Variants in THOC6 observed in about 807,000 individuals in gnomAD.
THOC6 encodes the protein THO complex subunit 6.
A neutral mutation model predicts 55.8 loss-of-function variants in THOC6; 39 were observed. That is an observed-to-expected ratio of 0.70 (90% CI 0.54 to 0.91). THOC6 has a LOEUF of 0.91. THOC6 is among the 40% of genes least tolerant of loss of function. The probability of loss-of-function intolerance (pLI) is 0.00; values close to 1 mark genes in which losing one functional copy is unlikely to be tolerated. For synonymous variants in THOC6, 192 were observed against 175.6 expected, an observed-to-expected ratio of 1.09 and a Z score of -0.74; for missense variants, 482 against 442.0, an observed-to-expected ratio of 1.09 and a Z score of -0.81.
In THOC6 at chr16:3,026,076, C is replaced by T. The variant is rs775321239; in HGVS notation, c.234C>T (p.Pro78=). The change falls in exon 4 of 13, where the codon CCC becomes CCT. Residue 78 remains proline (P), a synonymous_variant. Transcript: ENST00000326266. ...ATTTCTCTTTAGCCCATGATGGGCC[C>T]GTCTATAGCATGGTTTCCACCGATC... is the stretch of plus-strand genomic sequence containing the variant. ...PVVTFQAHDG[P]VYSMVSTDRH... 7 of 1,611,648 alleles carry T rather than the reference C, an allele frequency of 4.3e-6. No individual in the cohort carries two copies. The highest frequency in any genetic ancestry group is 2.2e-5 in the South Asian group (2 of 90,954).
rs1384845248 is a variant in THOC6, at chr16:3,026,082, T to TA, written c.241dup (p.Ser81LysfsTer11). On this transcript the variant is annotated frameshift_variant, in exon 4 of 13. Transcript: ENST00000326266. LOFTEE classifies it high-confidence loss of function. ...CTTTAGCCCATGATGGGCCCGTCTA[T>TA]AGCATGGTTTCCACCGATCGACATC... 3 of 1,611,290 alleles carry TA rather than the reference T, an allele frequency of 1.9e-6. No homozygotes were observed. Among genetic ancestry groups the TA allele is most frequent in the Non-Finnish European group, 2.5e-6 (3 of 1,177,836 alleles).
chr16:3,027,271 C>T lies in THOC6; in HGVS notation c.801C>T (p.Tyr267=). 1 of 1,614,222 alleles carries T rather than the reference C, an allele frequency of 6.2e-7. No individual in the cohort carries two copies. The highest frequency in any genetic ancestry group is 8.5e-7 in the Non-Finnish European group (1 of 1,180,046). ...IRAPQKHVTF[Y]QDLILSAGQG... is the part of the protein sequence containing the mutation. ...CGCCACAGAAGCACGTCACCTTCTA[C>T]CAGGACCTGGTGAGGCCCTGTGTCT... Residue 267 remains tyrosine, a synonymous_variant, in exon 11 of 13, where the codon TAC becomes TAT. Coordinates refer to ENST00000326266, the MANE Select transcript of THOC6 (RefSeq NM_024339.5).
Position 3,024,174 on chromosome 16 carries a change from C to A in THOC6, c.-153C>A. On this transcript the variant is annotated 5_prime_UTR_variant, in exon 1 of 13. Coordinates refer to ENST00000326266, the MANE Select transcript of THOC6 (RefSeq NM_024339.5). ...TTCTTAATGTCGGGGGTCTTCGCGG[C>A]GCTCACCTCGGCTCCTAGGGTTCGG... The A allele has an allele frequency of 1.1e-6, 1 of 909,136 alleles. No homozygotes were observed. Among genetic ancestry groups the A allele is most frequent in the Non-Finnish European group, 1.7e-6 (1 of 589,562 alleles). The allele number at this position is 909,136 out of a possible 1,614,324, so 56.3% of individuals were successfully genotyped here.
At chr16:3,024,494 AG>A in intron 1 of THOC6, 129 bp downstream of exon 1, 5 of 1,170,336 alleles carry the variant, frequency 4.3e-6, no homozygotes, top group Non-Finnish European at 6.3e-6. Flanking sequence ...GACTCTGACC[AG>A]GGGGGCGGGA....
rs1006689737 is a variant in THOC6, at chr16:3,024,101, C to A, written c.-226C>A. On this transcript the variant is annotated 5_prime_UTR_variant, in exon 1 of 13. Transcript: ENST00000326266. Reference sequence around the variant, plus strand: ...CGTGGCGGAAGGCAGGCTTGCTCCTCGGGGTGGGGGAGGGTATCCGGCTTA... The same window carrying A: ...CGTGGCGGAAGGCAGGCTTGCTCCTAGGGGTGGGGGAGGGTATCCGGCTTA... The A allele has an allele frequency of 1.4e-6, 1 of 695,532 alleles. No homozygotes were observed. The allele number at this position is 695,532 out of a possible 1,614,324, so 43.1% of individuals were successfully genotyped here. A position where few individuals can be genotyped will look rare whatever the true frequency, so the allele number is the denominator to read the frequency against.
chr16:3,024,459 T>C (rs2072730785), intron 1 of THOC6, 94 bp downstream of exon 1: 1 of 1,504,078 alleles, frequency 6.6e-7, no homozygotes, highest in African/African-American at 1.4e-5. Context: ...GAGCCCTGTT[T>C]TGCCTGGGCT....
Position 3,025,812 on chromosome 16 carries a change from T to G in THOC6, c.144T>G (p.Ile48Met), listed in dbSNP as rs2072771759. 6.2e-7 allele frequency: 1 copy of G among 1,614,222 alleles called. No individual in the cohort carries two copies. The highest frequency in any genetic ancestry group is 1.3e-5 in the African/African-American group (1 of 75,050). The part of the protein sequence containing the change: ...FLAAGNNYGQ[I>M]AIFSLSSALS... Reference sequence around the variant, plus strand: ...CGGCTGGCAACAATTACGGGCAGATTGCCATCTTCAGGTACCCTCTGCCGC... The same window carrying G: ...CGGCTGGCAACAATTACGGGCAGATGGCCATCTTCAGGTACCCTCTGCCGC... Residue 48 changes from isoleucine to methionine, a missense_variant, in exon 2 of 13, where the codon ATT becomes ATG. Transcript: ENST00000326266.
intron 1 of THOC6, 76 bp from the exon 2 acceptor site, chr16:3,025,632 G>C (rs2526260): frequency 0.33 from 462,052 of 1,414,570 alleles, 77,575 homozygotes; most frequent in Non-Finnish European, 0.35. Flanking sequence ...GGCAGGTTTT[G>C]GGGGAAGCAG....
rs774920297 is a variant in THOC6 at position 3,024,350 on chromosome 16, G to C, written c.24G>C (p.Ala8=). The change falls in exon 1 of 13, where the codon GCG becomes GCC. Residue 8 remains alanine (A), a synonymous_variant. Coordinates refer to ENST00000326266, the MANE Select transcript of THOC6 (RefSeq NM_024339.5). ...AGATGGAGCGAGCTGTGCCGCTCGC[G>C]GTGCCTCTGGGTCAGGTGAGACGGA... is the stretch of plus-strand genomic sequence containing the variant. MERAVPL[A]VPLGQTEVFQ... 6.2e-7 allele frequency: 1 copy of C among 1,614,164 alleles called. No homozygotes were observed. The highest frequency in any genetic ancestry group is 8.5e-7 in the Non-Finnish European group (1 of 1,180,014).
rs747608649 is a variant in THOC6 at position 3,026,873 on chromosome 16, G to A, written c.593G>A (p.Arg198His). ...CACAGTTCTTTCCCCGCAGACCTGC[G>A]CACAGCCAAGGAGGTCCAGACGATC... Reference protein sequence around the residue: ...EDGAVRLWDLRTAKEVQTIEV... With the variant: ...EDGAVRLWDLHTAKEVQTIEV... The change falls in exon 9 of 13, where the codon CGC becomes CAC. Residue 198 changes from arginine to histidine, a missense_variant. Arg to His is a conservative substitution (Grantham distance 29). Coordinates refer to ENST00000326266, the MANE Select transcript of THOC6 (RefSeq NM_024339.5). 1.2e-5 allele frequency: 19 copies of A among 1,614,130 alleles called. No homozygotes were observed. The highest frequency in any genetic ancestry group is 2.2e-5 in the East Asian group (1 of 44,882).
At position 3,027,412 on chromosome 16, in the gene THOC6, G is replaced by C. The variant is rs377469833; in HGVS notation, c.857G>C (p.Ser286Thr). Residue 286 changes from serine to threonine, a missense_variant, in exon 12 of 13, where the codon AGC becomes ACC. By Grantham distance (58) the Ser-to-Thr change is moderately conservative. Coordinates refer to ENST00000326266, the MANE Select transcript of THOC6 (RefSeq NM_024339.5). ...CGCTGCGTCAACCAGTGGCAGCTGA[G>C]CGGGGAGCTGAAGGCCCAGGTGCCT... is the stretch of plus-strand genomic sequence containing the variant. ...QGRCVNQWQL[S>T]GELKAQVPGS... is the part of the protein sequence containing the mutation. 41 of 1,612,366 alleles carry C rather than the reference G, an allele frequency of 2.5e-5. No individual in the cohort carries two copies. The African/African-American group carries it at 4.1e-4, about 16-fold the overall frequency.
Position 3,027,154 on chromosome 16 carries a change from C to A in THOC6, c.700-16C>A. The A allele has an allele frequency of 6.2e-7, 1 of 1,614,180 alleles. No individual in the cohort carries two copies. The highest frequency in any genetic ancestry group is 2.2e-5 in the East Asian group (1 of 44,886). On this transcript the variant is annotated splice_polypyrimidine_tract_variant and intron_variant, in intron 10 of 12. Coordinates refer to ENST00000326266, the MANE Select transcript of THOC6 (RefSeq NM_024339.5). ...GCCTGTGGTTCACAGCTGGGGACTC[C>A]CACCTTTCTGTCCAGGTCTGTGGAG... is the stretch of plus-strand genomic sequence containing the variant.
In THOC6 at chr16:3,024,090, G is replaced by T; in HGVS notation, c.-237G>T. ...GACGGGCGGCGCGTGGCGGAAGGCA[G>T]GCTTGCTCCTCGGGGTGGGGGAGGG... On this transcript the variant is annotated 5_prime_UTR_variant, in exon 1 of 13. The change creates a new upstream start codon in the 5' untranslated region. Coordinates refer to ENST00000326266, the MANE Select transcript of THOC6 (RefSeq NM_024339.5). The T allele has an allele frequency of 1.3e-6, 1 of 750,342 alleles. No individual in the cohort carries two copies. Among genetic ancestry groups the T allele is most frequent in the Non-Finnish European group, 2.1e-6 (1 of 468,450 alleles). 46.5% of individuals were successfully genotyped at this position (750,342 alleles called of 1,614,324 possible). A position where few individuals can be genotyped will look rare whatever the true frequency, so the allele number is the denominator to read the frequency against.
chr16:3,027,537 A>C, intron 12 of THOC6, 37 bp downstream of exon 12: 1 of 1,612,180 alleles, frequency 6.2e-7, no homozygotes, highest in Non-Finnish European at 8.5e-7. Context: ...GCTGGGAGGC[A>C]GGGGTGTGGG....
In THOC6 at chr16:3,024,235, G is replaced by A; in HGVS notation, c.-92G>A. On this transcript the variant is annotated 5_prime_UTR_variant, in exon 1 of 13. Coordinates refer to ENST00000326266, the MANE Select transcript of THOC6 (RefSeq NM_024339.5). ...ACCAGCCACCTTCGCGCCGAAGGCG[G>A]TAGGGCGCCACGGAGAGGAACCGCT... 6.5e-7 allele frequency: 1 copy of A among 1,538,808 alleles called. No homozygotes were observed. Among genetic ancestry groups the A allele is most frequent in the Admixed American group, 1.7e-5 (1 of 58,406 alleles).
chr16:3,027,312 C>T (rs2072823287), intron 11 of THOC6, 32 bp downstream of exon 11: 3 of 1,614,194 alleles, frequency 1.9e-6, no homozygotes, highest in Admixed American at 1.7e-5. Context: ...CTGCCACCCC[C>T]ACTGACTCTT....
In THOC6 at chr16:3,027,064, C is replaced by T. The variant is rs142684553; in HGVS notation, c.690C>T (p.Ser230=). The change falls in exon 10 of 13, where the codon TCC becomes TCT. Residue 230 remains serine (S), a synonymous_variant. Coordinates refer to ENST00000326266, the MANE Select transcript of THOC6 (RefSeq NM_024339.5). The stretch of plus-strand genomic sequence containing the variant: ...GGATTGGATGTTTGGCAACTGATTC[C>T]GACTGGATGGTGAGCTGGGCAGACT... ...GRWIGCLATD[S]DWMVCGGGPA... is the part of the protein sequence containing the mutation. The T allele has an allele frequency of 2.6e-5, 42 of 1,614,062 alleles. No individual in the cohort carries two copies. Among genetic ancestry groups the T allele is most frequent in the African/African-American group, 1.7e-4 (13 of 74,906 alleles).
chr16:3,026,734 G>T lies in THOC6; in HGVS notation c.539G>T (p.Ser180Ile). ...YIHCLALRER[S>I]PEVLSGGEDG... ...CACTGCCTGGCACTGCGGGAAAGGA[G>T]CCCAGAGGTGCTGTCAGGTGGCGAG... The change falls in exon 8 of 13, where the codon AGC (serine) becomes ATC (isoleucine). Residue 180 changes from serine (S) to isoleucine (I), a missense_variant. Ser to Ile is a moderately radical substitution (Grantham distance 142). Transcript: ENST00000326266. The T allele has an allele frequency of 5.6e-6, 9 of 1,613,988 alleles. No individual in the cohort carries two copies. Among genetic ancestry groups the T allele is most frequent in the Non-Finnish European group, 7.6e-6 (9 of 1,179,932 alleles).
Position 3,024,937 on chromosome 16 carries a change from ATTTTTTTT to A in THOC6, c.39+587_39+594del, listed in dbSNP as rs35849212. Among the ~76,000 whole-genome samples the A allele has an allele frequency of 5.3e-4, 54 of 102,350 alleles. 1 individual carries two copies. The highest frequency in any genetic ancestry group is 2.4e-3 in the African/African-American group (54 of 22,862). 67.1% of individuals were successfully genotyped at this position (102,350 alleles called of 152,430 possible). A position where few individuals can be genotyped will look rare whatever the true frequency, so the allele number is the denominator to read the frequency against. The stretch of plus-strand genomic sequence containing the variant: ...GGTGTGAGCCACCACGCCCGGCCAA[ATTTTTTTT>A]TTTTTTTTTTTTTTGAGATGGAATT... On this transcript the variant is annotated intron_variant, in intron 1 of 12. Coordinates refer to ENST00000326266, the MANE Select transcript of THOC6 (RefSeq NM_024339.5).
Sources: gnomAD v4.1 joint callset for allele counts (sites outside exome capture counted in the v4.1 genomes callset) on GRCh38, gnomAD v4.1.1 for gene constraint, MANE v1.5 for transcripts, NCBI Gene and HGNC (gene_info 2026-07-23, HGNC 2026-07-21) for gene names.